The following THSD4 variants were observed in gnomAD, a reference collection of about 807,000 sequenced individuals.
THSD4 encodes the protein thrombospondin type-1 domain-containing protein 4.
Under a neutral mutation model 119.0 loss-of-function variants are expected in THSD4, and 69 were observed. That is an observed-to-expected ratio of 0.58 (90% CI 0.48 to 0.71). The LOEUF is 0.71. THSD4 is among the 30% of genes least tolerant of loss of function. The pLI, the probability that THSD4 is intolerant of heterozygous loss-of-function variation, is 0.00. For synonymous variants in THSD4, 524 were observed against 540.4 expected (o/e 0.97, Z 0.42); for missense variants, 1,393 against 1,391.1 (o/e 1.00, Z -0.02).
chr15:71,277,167 CCAGG>C (rs1567178813), intron 6 of THSD4, among the ~76,000 whole-genome samples: 1 of 119,848 alleles, frequency 8.3e-6, no homozygotes, highest in Non-Finnish European at 1.6e-5. Context: ...CTCTTGTCAC[CCAGG>C]CTGGAGTGCA....
intron 15 of THSD4, among the ~76,000 whole-genome samples, chr15:71,762,868 T>G (rs1422517017): frequency 1.3e-5 from 2 of 152,168 alleles, no homozygotes; most frequent in Non-Finnish European, 2.9e-5. Flanking sequence ...GTCAGGAGTT[T>G]GAGACCACCC....
intron 7 of THSD4, among the ~76,000 whole-genome samples, chr15:71,616,160 T>TA (rs1219813403): frequency 5.9e-5 from 9 of 151,278 alleles, no homozygotes; most frequent in South Asian, 2.1e-4. Context: ...GGCAGTTCCT[T>TA]AAAAAAAAAT....
intron 8 of THSD4, among the ~76,000 whole-genome samples, chr15:71,728,276 T>G (rs1383981217): frequency 6.6e-6 from 1 of 152,138 alleles, no homozygotes; most frequent in Non-Finnish European, 1.5e-5. Flanking sequence ...CCTCCCATTT[T>G]CCACATCCTT....
intron 7 of THSD4, among the ~76,000 whole-genome samples, chr15:71,493,461 A>G (rs1467931829): frequency 6.6e-6 from 1 of 152,184 alleles, no homozygotes; most frequent in African/African-American, 2.4e-5. Context: ...TGTGATCTTT[A>G]TCATCTGTGT....
chr15:71,183,478 A>T (rs1386970640), intron 3 of THSD4, among the ~76,000 whole-genome samples: 2 of 151,594 alleles, frequency 1.3e-5, no homozygotes, highest in East Asian at 3.9e-4. Flanking sequence ...CAGTTTCCTC[A>T]TCTGTAAAAT....
intron 7 of THSD4, among the ~76,000 whole-genome samples, chr15:71,508,710 CA>C (rs1345288986): frequency 2.0e-5 from 3 of 152,164 alleles, no homozygotes; most frequent in African/African-American, 7.2e-5. Flanking sequence ...TTGTAAAACA[CA>C]GAAAACTATC....
At chr15:71,393,173 T>C (rs1224422594) in intron 6 of THSD4, among the ~76,000 whole-genome samples, 1 of 151,300 alleles carries the variant, frequency 6.6e-6, no homozygotes, top group Non-Finnish European at 1.5e-5. Context: ...TCCAGTTGAA[T>C]GTGGAGGGCT....
At chr15:71,364,410 A>C (rs748587055) in intron 6 of THSD4, among the ~76,000 whole-genome samples, 1 of 152,246 alleles carries the variant, frequency 6.6e-6, no homozygotes, top group African/African-American at 2.4e-5. Context: ...AATACAGATT[A>C]ATTTCCCACC....
chr15:71,764,905 C>T, intron 15 of THSD4, 115 bp from the exon 16 acceptor site: 1 of 1,328,198 alleles, frequency 7.5e-7, no homozygotes, highest in South Asian at 1.5e-5. Flanking sequence ...TGGGTTCTTC[C>T]TCCTAGAATT....
intron 7 of THSD4, among the ~76,000 whole-genome samples, chr15:71,441,950 TTTTTG>T (rs1201606670): frequency 2.0e-5 from 3 of 151,862 alleles, no homozygotes; most frequent in Non-Finnish European, 2.9e-5. Context: ...GTTGCTATCT[TTTTTG>T]TTTTGTTTTG....
intron 6 of THSD4, among the ~76,000 whole-genome samples, chr15:71,345,944 C>CA (rs1168650050): frequency 6.6e-6 from 1 of 151,840 alleles, no homozygotes; most frequent in African/African-American, 2.4e-5. Context: ...TTCCTGTAAA[C>CA]AAAAAAATTC....
At chr15:71,460,188 G>T (rs2047407799) in intron 7 of THSD4, among the ~76,000 whole-genome samples, 1 of 152,034 alleles carries the variant, frequency 6.6e-6, no homozygotes, top group Non-Finnish European at 1.5e-5. Context: ...TGGCTAAGAG[G>T]TTGAAAGCTA....
chr15:71,107,608 C>T (rs1414266502), intron 1 of THSD4, among the ~76,000 whole-genome samples: 1 of 152,324 alleles, frequency 6.6e-6, no homozygotes, highest in South Asian at 2.1e-4. Flanking sequence ...AAGTTTGTAT[C>T]TTAATCTACA....
chr15:71,328,419 G>A (rs1203425133), intron 6 of THSD4, among the ~76,000 whole-genome samples: 4 of 152,176 alleles, frequency 2.6e-5, no homozygotes, highest in Non-Finnish European at 4.4e-5. Context: ...AGTCATTCAG[G>A]CCTAATGGTT....
rs532609072 is a variant in THSD4, at chr15:71,615,061, G to C, written c.1153-45469G>C. On this transcript the variant is annotated intron_variant, in intron 7 of 17. Transcript: ENST00000261862. ...AAAAACAGGACCTGAGAAAGAGCTG[G>C]CATTCAGAATGGCTCTCAGATTACA... Among the ~76,000 whole-genome samples the C allele has an allele frequency of 1.8e-4, 27 of 152,330 alleles. No homozygotes were observed. The South Asian group carries it at 5.4e-3, about 30-fold the overall frequency.
intron 7 of THSD4, among the ~76,000 whole-genome samples, chr15:71,660,063 C>T (rs1157672518): frequency 3.3e-5 from 5 of 152,136 alleles, no homozygotes; most frequent in African/African-American, 1.2e-4. Flanking sequence ...ATTTAATTTC[C>T]TAAGAAACTG....
intron 6 of THSD4, among the ~76,000 whole-genome samples, chr15:71,411,338 T>C (rs1368402558): frequency 6.6e-6 from 1 of 152,102 alleles, no homozygotes; most frequent in Admixed American, 6.6e-5. Context: ...TTTTAAAAAG[T>C]GTGTGATTAT....
intron 7 of THSD4, among the ~76,000 whole-genome samples, chr15:71,540,073 A>C (rs2048737114): frequency 6.6e-6 from 1 of 151,860 alleles, no homozygotes. Flanking sequence ...AGCAAGGAGG[A>C]CTTGTGCATG....
chr15:71,734,611 AC>A (rs1210171395), intron 10 of THSD4, among the ~76,000 whole-genome samples: 1 of 152,018 alleles, frequency 6.6e-6, no homozygotes, highest in African/African-American at 2.4e-5. Flanking sequence ...CAGAATGTGC[AC>A]CCCCAAGTGT....
Sources: allele counts gnomAD v4.1 joint callset (sites outside exome capture counted in the v4.1 genomes callset), GRCh38; gene constraint gnomAD v4.1.1; transcripts MANE v1.5; gene names NCBI Gene and HGNC (gene_info 2026-07-23, HGNC 2026-07-21).